Variants in EXD3 observed in about 807,000 individuals in gnomAD.
EXD3 encodes exonuclease 3'-5' domain containing 3, also known as exonuclease mut-7 homolog.
In EXD3, 92 loss-of-function variants were observed where a neutral mutation model predicts 98.0. The ratio of observed to expected loss-of-function variants is 0.94; its 90% CI spans 0.79 to 1.12. The LOEUF is 1.12. Among genes scored for constraint, EXD3 ranks in the 50% most tolerant of loss-of-function variants. The probability of loss-of-function intolerance (pLI) is 0.00; values close to 1 mark genes in which losing one functional copy is unlikely to be tolerated. For synonymous variants in EXD3, 569 were observed against 526.0 expected (o/e 1.08, Z -1.12); for missense variants, 1,222 against 1,191.6 (o/e 1.03, Z -0.38).
intron 3 of EXD3, 122 bp from the exon 4 acceptor site, chr9:137,373,721 AGCCGCCATCTGC>A: frequency 7.0e-6 from 8 of 1,143,268 alleles, no homozygotes; most frequent in Non-Finnish European, 9.7e-6. Context: ...GTGGCCATTC[AGCCGCCATCTGC>A]GCCTCCGTGA....
chr9:137,330,603 A>ACTACGCAGGACTACACAGGAG (rs1564482364), intron 17 of EXD3, among the ~76,000 whole-genome samples: 2 of 129,306 alleles, frequency 1.5e-5, no homozygotes, highest in Non-Finnish European at 3.3e-5. Flanking sequence ...ACTACACAGG[A>ACTACGCAGGACTACACAGGAG]CTACACAGGA....
chr9:137,354,806 TCAGGGCAGCCTCAC>T, intron 8 of EXD3, 33 bp from the exon 9 acceptor site: 2 of 1,591,450 alleles, frequency 1.3e-6, no homozygotes, highest in Non-Finnish European at 1.7e-6. Flanking sequence ...CACTGAGGGC[TCAGGGCAGCCTCAC>T]CACGGCCTCC....
chr9:137,355,214 A>G (rs115203540), intron 8 of EXD3, among the ~76,000 whole-genome samples: 13,456 of 151,418 alleles, frequency 0.089, 738 homozygotes, highest in African/African-American at 0.16. Context: ...CGTCAGCCTC[A>G]CCTCCATACT....
intron 17 of EXD3, chr9:137,345,980 G>C (rs1487648062): frequency 6.6e-6 from 1 of 151,906 alleles, no homozygotes; most frequent in Non-Finnish European, 1.5e-5. Flanking sequence ...AGAAGACCTA[G>C]GAGATAAAAA....
chr9:137,343,405 C>T (rs1833749360), intron 17 of EXD3: 1 of 146,076 alleles, frequency 6.8e-6, no homozygotes, highest in East Asian at 2.0e-4. Flanking sequence ...TTCTCCAGCA[C>T]AGTTAGGAGC....
At chr9:137,370,948 G>GT (rs1835559749) in intron 5 of EXD3, among the ~76,000 whole-genome samples, 1 of 152,190 alleles carries the variant, frequency 6.6e-6, no homozygotes, top group Non-Finnish European at 1.5e-5. Context: ...ACATTGAGTC[G>GT]TGAGTCCCAG....
chr9:137,402,123 C>G (rs1313211551), intron 1 of EXD3, among the ~76,000 whole-genome samples: 1 of 152,088 alleles, frequency 6.6e-6, no homozygotes, highest in Middle Eastern at 3.2e-3. Flanking sequence ...TCAAGTGATT[C>G]TCTTGCCTCA....
rs545354963 is a variant in EXD3 at position 137,406,292 on chromosome 9, A to G, written c.-47-10888T>C. On this transcript the variant is annotated intron_variant, in intron 1 of 21. Transcript: ENST00000340951. ...AGAAAATAAAAGGCAAGGAAAAAGG[A>G]AAAAAAAAAGAAAAAGAAAAGAAAA... 4.3e-3 allele frequency among the ~76,000 whole-genome samples: 630 copies of G among 147,730 alleles called. 6 individuals are homozygous for G. Among genetic ancestry groups the G allele is most frequent in the African/African-American group, 0.014 (565 of 40,240 alleles).
At chr9:137,320,076 C>T (rs965987481) in intron 19 of EXD3, among the ~76,000 whole-genome samples, 5 of 152,344 alleles carry the variant, frequency 3.3e-5, no homozygotes, top group Admixed American at 6.5e-5. Flanking sequence ...GCTCTGCTCC[C>T]AGGCCGGGGC....
chr9:137,404,806 G>A (rs930902669), intron 1 of EXD3, among the ~76,000 whole-genome samples: 5 of 151,806 alleles, frequency 3.3e-5, no homozygotes, highest in African/African-American at 1.2e-4. Flanking sequence ...GTTGCAGTGA[G>A]CCAAGGTCGC....
At chr9:137,368,877 G>C (rs1395847520) in intron 5 of EXD3, among the ~76,000 whole-genome samples, 1 of 150,698 alleles carries the variant, frequency 6.6e-6, no homozygotes, top group African/African-American at 2.4e-5. Context: ...CCGTGGGGAG[G>C]GGCGAAGGTC....
At chr9:137,342,981 G>A (rs935175381) in intron 17 of EXD3, among the ~76,000 whole-genome samples, 10 of 152,164 alleles carry the variant, frequency 6.6e-5, no homozygotes, top group Middle Eastern at 3.2e-3. Flanking sequence ...TTAGCCGGGC[G>A]TGGTGGTGGG....
rs1187371162 is a variant in EXD3, at chr9:137,352,756, C to T, written c.901G>A (p.Glu301Lys). The stretch of plus-strand genomic sequence containing the variant: ...GAGACCAGCAGCTGAGACAGCTGCT[C>T]CTGAAGCCACGGGCTCTGCCCCACC... Reference protein sequence around the residue: ...GLVGQSPWLQEQLSQLLVSHS... With the variant: ...GLVGQSPWLQKQLSQLLVSHS... Residue 301 changes from glutamate to lysine, a missense_variant, in exon 11 of 22, where the codon GAG becomes AAG. Transcript: ENST00000340951. The T allele has an allele frequency of 3.8e-6, 6 of 1,578,968 alleles. No homozygotes were observed. The highest frequency in any genetic ancestry group is 2.3e-5 in the East Asian group (1 of 43,042).
intron 17 of EXD3, among the ~76,000 whole-genome samples, chr9:137,345,270 G>T (rs1262706539): frequency 6.6e-6 from 1 of 152,214 alleles, no homozygotes; most frequent in Non-Finnish European, 1.5e-5. Context: ...TATTAGTAAT[G>T]CTCCTTTTGA....
intron 19 of EXD3, among the ~76,000 whole-genome samples, chr9:137,319,636 G>C (rs577067985): frequency 6.6e-6 from 1 of 152,178 alleles, no homozygotes; most frequent in Non-Finnish European, 1.5e-5. Context: ...AGCACCTCTC[G>C]GGACTCCAGA....
chr9:137,385,521 C>A lies in EXD3; in HGVS notation c.56-2144G>T, dbSNP rs1242028133. Reference sequence around the variant, plus strand: ...TGCACTTCACAATAAACAAAAGAGACTTTTATTTTGTTATTTAAGTTAATA... The same window carrying A: ...TGCACTTCACAATAAACAAAAGAGAATTTTATTTTGTTATTTAAGTTAATA... On this transcript the variant is annotated intron_variant, in intron 2 of 21. Transcript: ENST00000340951. The surrounding 1 kb of genome is among the most constrained non-coding windows in gnomAD (Gnocchi z 4.4). Among the ~76,000 whole-genome samples the A allele has an allele frequency of 6.6e-6, 1 of 152,142 alleles. No individual in the cohort carries two copies. Among genetic ancestry groups the A allele is most frequent in the East Asian group, 1.9e-4 (1 of 5,200 alleles).
intron 17 of EXD3, among the ~76,000 whole-genome samples, chr9:137,340,216 G>A (rs144019299): frequency 0.014 from 2,065 of 152,278 alleles, 50 homozygotes; most frequent in African/African-American, 0.047. Context: ...GGTGGCTCAC[G>A]CCTGTAATCT....
intron 3 of EXD3, among the ~76,000 whole-genome samples, chr9:137,382,461 C>T (rs1057100342): frequency 3.3e-5 from 5 of 152,018 alleles, no homozygotes; most frequent in African/African-American, 7.3e-5. Context: ...GAAGACTGAG[C>T]GTCACAGACG....
chr9:137,394,580 G>A (rs1444811339), intron 2 of EXD3, among the ~76,000 whole-genome samples: 4 of 151,974 alleles, frequency 2.6e-5, no homozygotes, highest in South Asian at 4.2e-4. Flanking sequence ...TCCAGCCTCC[G>A]CTTCCCTAAC....
Sources: gnomAD v4.1 joint callset for allele counts (sites outside exome capture counted in the v4.1 genomes callset) on GRCh38, gnomAD v4.1.1 for gene constraint, Gnocchi (gnomAD v3.1) non-coding constraint, MANE v1.5 for transcripts, NCBI Gene and HGNC (gene_info 2026-07-23, HGNC 2026-07-21) for gene names.